Variants in CCDC85C observed in about 807,000 individuals in gnomAD.
The protein encoded by CCDC85C is coiled-coil domain containing 85C.
Under a neutral mutation model 38.3 loss-of-function variants are expected in CCDC85C, and 18 were observed. The observed-to-expected ratio is 0.47, with a 90% CI of 0.33 to 0.70. The LOEUF (loss-of-function observed/expected upper bound fraction) is 0.70. Among genes scored for constraint, CCDC85C ranks in the 30% least tolerant of loss-of-function variants. The pLI is 0.03. For synonymous variants in CCDC85C, 264 were observed against 293.8 expected (o/e 0.90, Z 1.04); for missense variants, 566 against 621.2 (o/e 0.91, Z 0.94).
intron 2 of CCDC85C, among the ~76,000 whole-genome samples, chr14:99,525,192 A>G (rs76972000): frequency 0.88 from 133,418 of 152,102 alleles, 60,513 homozygotes; most frequent in East Asian, 1. Flanking sequence ...TGCCCAACTC[A>G]GGGCCCAGCG....
rs371653930 is a variant in CCDC85C, at chr14:99,507,159, C to G, written c.*8087G>C. Reference sequence around the variant, plus strand: ...CCACCCACCTCCAGGTAAGCATCTGCTGAAGCAGCTTGGCCAGCTGTGCAC... The same window carrying G: ...CCACCCACCTCCAGGTAAGCATCTGGTGAAGCAGCTTGGCCAGCTGTGCAC... On this transcript the variant is annotated 3_prime_UTR_variant, in exon 6 of 6. Transcript: ENST00000380243. 1.3e-6 allele frequency: 2 copies of G among 1,555,408 alleles called. No individual in the cohort carries two copies. The highest frequency in any genetic ancestry group is 1.8e-6 in the Non-Finnish European group (2 of 1,127,018).
At chr14:99,546,058 G>C (rs1037539715) in intron 1 of CCDC85C, among the ~76,000 whole-genome samples, 44 of 113,508 alleles carry the variant, frequency 3.9e-4, no homozygotes, top group African/African-American at 2.9e-3. Flanking sequence ...AAGTCTGCAT[G>C]GGGGGGGGGA....
intron 1 of CCDC85C, among the ~76,000 whole-genome samples, chr14:99,571,934 A>G (rs1021508266): frequency 1.3e-5 from 2 of 152,158 alleles, no homozygotes; most frequent in Non-Finnish European, 2.9e-5. Context: ...CTCCTGCCTC[A>G]TTGAGCTAGG....
At chr14:99,563,037 TTAATTACCTAGTACA>T (rs1038673540) in intron 1 of CCDC85C, among the ~76,000 whole-genome samples, 6 of 152,222 alleles carry the variant, frequency 3.9e-5, no homozygotes, top group Admixed American at 1.3e-4. Context: ...ATAATGCCAC[TTAATTACCTAGTACA>T]TAAAACGGCC....
chr14:99,565,631 A>G (rs990461768), intron 1 of CCDC85C, among the ~76,000 whole-genome samples: 2 of 152,178 alleles, frequency 1.3e-5, no homozygotes, highest in African/African-American at 4.8e-5. Context: ...GGCAGGCTGC[A>G]TGGGCAGCCG....
intron 1 of CCDC85C, among the ~76,000 whole-genome samples, chr14:99,555,598 T>C (rs914181262): frequency 3.3e-5 from 5 of 152,132 alleles, no homozygotes; most frequent in African/African-American, 7.2e-5. Flanking sequence ...AAGGCATCCA[T>C]ACATAGCTCA....
At chr14:99,571,182 C>T (rs1898334148) in intron 1 of CCDC85C, among the ~76,000 whole-genome samples, 1 of 152,084 alleles carries the variant, frequency 6.6e-6, no homozygotes, top group South Asian at 2.1e-4. Context: ...CAGCCGGAGA[C>T]AGGGATCATG....
chr14:99,583,581 C>T (rs145549360), intron 1 of CCDC85C, among the ~76,000 whole-genome samples: 2,828 of 150,798 alleles, frequency 0.019, 100 homozygotes, highest in African/African-American at 0.065. Context: ...CCGAGGCGGG[C>T]GGATCACAAG....
At position 99,569,268 on chromosome 14, in the gene CCDC85C, G is replaced by A. The variant is rs2139959646; in HGVS notation, c.794-33180C>T. Among the ~76,000 whole-genome samples, 1 of 152,292 alleles carries A rather than the reference G, an allele frequency of 6.6e-6. No individual in the cohort carries two copies. ...CTCCAGTACGAAGGCTGAAAACAAGGAACCAAGAAACAGAACCACATGACA... is the reference window on the plus strand; with the variant it reads ...CTCCAGTACGAAGGCTGAAAACAAGAAACCAAGAAACAGAACCACATGACA... On this transcript the variant is annotated intron_variant, in intron 1 of 5. Coordinates refer to ENST00000380243, the MANE Select transcript of CCDC85C (RefSeq NM_001144995.2). This position sits in a 1 kb window ranked among gnomAD's most constrained non-coding sequence, Gnocchi z 4.3.
At position 99,603,839 on chromosome 14, in the gene CCDC85C, C is replaced by A; in HGVS notation, c.121G>T (p.Glu41Ter). 1.3e-6 allele frequency: 2 copies of A among 1,518,744 alleles called. No homozygotes were observed. Among genetic ancestry groups the A allele is most frequent in the Non-Finnish European group, 8.8e-7 (1 of 1,139,456 alleles). The allele number at this position is 1,518,744 out of a possible 1,614,324, so 94.1% of individuals were successfully genotyped here. Residue 41 changes from glutamate (E) to a stop codon, truncating the protein, a stop_gained, in exon 1 of 6, where the codon GAG becomes TAG. Coordinates refer to ENST00000380243, the MANE Select transcript of CCDC85C (RefSeq NM_001144995.2). LOFTEE classifies it high-confidence loss of function. The surrounding 1 kb of genome is among the most constrained non-coding windows in gnomAD (Gnocchi z 7.5). ...TGCTCCAGCATGAGGCCCACCTTCT[C>A]GCCCTCGGCGCGCCGCAGCCGCCGC... Reference protein sequence around the residue: ...LARRLRRAEGEKVGLMLEHGG... With the variant: ...LARRLRRAEG
intron 1 of CCDC85C, among the ~76,000 whole-genome samples, chr14:99,589,904 G>A (rs1030884654): frequency 6.6e-6 from 1 of 152,230 alleles, no homozygotes; most frequent in Non-Finnish European, 1.5e-5. Flanking sequence ...CCGCAGCCAC[G>A]CCCACGGCGC....
chr14:99,566,348 C>T (rs868219397), intron 1 of CCDC85C, among the ~76,000 whole-genome samples: 10 of 152,290 alleles, frequency 6.6e-5, no homozygotes, highest in Admixed American at 3.9e-4. Flanking sequence ...GTGGGGAAAC[C>T]GAAGCTCTGG....
At chr14:99,559,841 G>C (rs1448323018) in intron 1 of CCDC85C, among the ~76,000 whole-genome samples, 1 of 152,084 alleles carries the variant, frequency 6.6e-6, no homozygotes, top group Non-Finnish European at 1.5e-5. Flanking sequence ...CAGCAGGTGG[G>C]CCCGCAGCCA....
intron 1 of CCDC85C, among the ~76,000 whole-genome samples, chr14:99,552,486 C>G (rs1337067446): frequency 6.6e-6 from 1 of 152,208 alleles, no homozygotes; most frequent in Admixed American, 6.5e-5. Flanking sequence ...AGTGTCTCTG[C>G]CCAAGCCTCA....
At chr14:99,550,324 T>A (rs891292941) in intron 1 of CCDC85C, among the ~76,000 whole-genome samples, 6 of 152,180 alleles carry the variant, frequency 3.9e-5, no homozygotes, top group Non-Finnish European at 7.3e-5. Context: ...GAGGGAGATG[T>A]GACCACGGTG....
chr14:99,501,691 C>G lies in CCDC85C; in HGVS notation c.*13555G>C, dbSNP rs895074415. On this transcript the variant is annotated 3_prime_UTR_variant, in exon 6 of 6. Coordinates refer to ENST00000380243, the MANE Select transcript of CCDC85C (RefSeq NM_001144995.2). ...ACAATACACTGGAGAATTTTGAAAA[C>G]TAATTACTTAGAGCCCATTTGGTTT... 1 of 405,728 alleles carries G rather than the reference C, an allele frequency of 2.5e-6. No individual in the cohort carries two copies. The highest frequency in any genetic ancestry group is 4.4e-6 in the Non-Finnish European group (1 of 229,116). The allele number at this position is 405,728 out of a possible 1,614,324, so 25.1% of individuals were successfully genotyped here.
chr14:99,560,707 T>C (rs1337539715), intron 1 of CCDC85C, among the ~76,000 whole-genome samples: 1 of 152,176 alleles, frequency 6.6e-6, no homozygotes, highest in Non-Finnish European at 1.5e-5. Flanking sequence ...GCCCCAACCC[T>C]ATGGCCTAGA....
In CCDC85C at chr14:99,513,730, G is replaced by C. The variant is rs1897175668; in HGVS notation, c.*1516C>G. The C allele has an allele frequency of 6.6e-6, 1 of 152,320 alleles. No homozygotes were observed. Among genetic ancestry groups the C allele is most frequent in the Non-Finnish European group, 1.5e-5 (1 of 68,116 alleles). The allele number at this position is 152,320 out of a possible 1,614,324, so 9.4% of individuals were successfully genotyped here. On this transcript the variant is annotated 3_prime_UTR_variant, in exon 6 of 6. Coordinates refer to ENST00000380243, the MANE Select transcript of CCDC85C (RefSeq NM_001144995.2). ...GTGGGGCTGAGCAGCCCCTGGAAGAGCACAGGAGTCTGACGAGGACCTGGT... is the reference window on the plus strand; with the variant it reads ...GTGGGGCTGAGCAGCCCCTGGAAGACCACAGGAGTCTGACGAGGACCTGGT...
At chr14:99,561,073 G>A (rs941564) in intron 1 of CCDC85C, among the ~76,000 whole-genome samples, 79,245 of 152,092 alleles carry the variant, frequency 0.52, 20,797 homozygotes, top group South Asian at 0.57. Context: ...TGCTCCCTTC[G>A]GCAGAATCCA....
Sources: allele counts gnomAD v4.1 joint callset (sites outside exome capture counted in the v4.1 genomes callset), GRCh38; gene constraint gnomAD v4.1.1; non-coding constraint Gnocchi (gnomAD v3.1); transcripts MANE v1.5; gene names NCBI Gene and HGNC (gene_info 2026-07-23, HGNC 2026-07-21).